KYNU: variants seen among roughly 807,000 people sequenced by gnomAD.
KYNU encodes the protein kynureninase.
Under a neutral mutation model 59.2 loss-of-function variants are expected in KYNU, and 54 were observed. The ratio of observed to expected loss-of-function variants is 0.91; its 90% CI spans 0.73 to 1.14. The LOEUF (loss-of-function observed/expected upper bound fraction) is 1.14. Among genes scored for constraint, KYNU ranks in the 50% most tolerant of loss-of-function variants. The probability of loss-of-function intolerance (pLI) is 0.00; values close to 1 mark genes in which losing one functional copy is unlikely to be tolerated. For synonymous variants in KYNU, 177 were observed against 192.0 expected, an observed-to-expected ratio of 0.92 and a Z score of 0.65; for missense variants, 567 against 554.4, an observed-to-expected ratio of 1.02 and a Z score of -0.23.
chr2:142,885,658 T>G, intron 2 of KYNU, 122 bp downstream of exon 2: 1 of 947,494 alleles, frequency 1.1e-6, no homozygotes, highest in East Asian at 2.6e-5. Flanking sequence ...CAATTATGTT[T>G]GAAAAGCAGA....
intron 3 of KYNU, among the ~76,000 whole-genome samples, chr2:142,923,426 T>C (rs73963780): frequency 0.02 from 2,986 of 152,332 alleles, 115 homozygotes; most frequent in African/African-American, 0.069. Flanking sequence ...ATTATATTTA[T>C]TTGATACTTA....
At chr2:142,964,042 T>A (rs570651396) in intron 8 of KYNU, among the ~76,000 whole-genome samples, 1 of 152,254 alleles carries the variant, frequency 6.6e-6, no homozygotes, top group East Asian at 1.9e-4. Flanking sequence ...TTATAAAGTT[T>A]TTTTTTGTGT....
At position 143,052,708 on chromosome 2, in the gene KYNU, G is replaced by T. The variant is rs1687286693; in HGVS notation, c.*10536G>T. 6.6e-6 allele frequency: 1 copy of T among 152,288 alleles called. No homozygotes were observed. The highest frequency in any genetic ancestry group is 2.4e-5 in the African/African-American group (1 of 41,466). 9.4% of individuals were successfully genotyped at this position (152,288 alleles called of 1,614,324 possible). A position where few individuals can be genotyped will look rare whatever the true frequency, so the allele number is the denominator to read the frequency against. On this transcript the variant is annotated 3_prime_UTR_variant, in exon 14 of 14. Coordinates refer to ENST00000264170, the MANE Select transcript of KYNU (RefSeq NM_003937.3). ...GGGAACTTACACCAAGATTTCAGAG[G>T]ATGTATGGAAATGCCTGGATGCCCA... is the stretch of plus-strand genomic sequence containing the variant.
intron 2 of KYNU, among the ~76,000 whole-genome samples, chr2:142,901,063 A>AG (rs991450662): frequency 2.6e-5 from 4 of 152,086 alleles, no homozygotes; most frequent in Non-Finnish European, 5.9e-5. Flanking sequence ...AAAAAAAAAA[A>AG]AAAAAAAGAT....
intron 2 of KYNU, among the ~76,000 whole-genome samples, chr2:142,903,598 T>C (rs1397404065): frequency 6.6e-6 from 1 of 152,072 alleles, no homozygotes; most frequent in Non-Finnish European, 1.5e-5. Context: ...GCCACGCCAG[T>C]GTCCAGGAGA....
intron 10 of KYNU, among the ~76,000 whole-genome samples, chr2:143,029,368 T>A (rs1376240180): frequency 6.6e-6 from 1 of 152,164 alleles, no homozygotes; most frequent in Non-Finnish European, 1.5e-5. Flanking sequence ...GATGAATCAC[T>A]TGAGCTCAGG....
rs548847769 is a variant in KYNU at position 143,035,988 on chromosome 2, G to A, written c.1041+2667G>A. Reference sequence around the variant, plus strand: ...AGGATTTTGCCATGTTGCCCAGGCTGATCTTGAACTACTGGCTGCAAGTGG... The same window carrying A: ...AGGATTTTGCCATGTTGCCCAGGCTAATCTTGAACTACTGGCTGCAAGTGG... On this transcript the variant is annotated intron_variant, in intron 12 of 13. Coordinates refer to ENST00000264170, the MANE Select transcript of KYNU (RefSeq NM_003937.3). Among the ~76,000 whole-genome samples, 3 of 152,046 alleles carry A rather than the reference G, an allele frequency of 2.0e-5. No individual in the cohort carries two copies. In the South Asian group the frequency reaches 6.2e-4, roughly 32 times the overall value.
At chr2:142,994,170 C>T (rs1247024771) in intron 10 of KYNU, among the ~76,000 whole-genome samples, 4 of 151,784 alleles carry the variant, frequency 2.6e-5, no homozygotes, top group Non-Finnish European at 5.9e-5. Flanking sequence ...ATCCATCTGG[C>T]TTTTTATGAT....
Position 143,046,177 on chromosome 2 carries a change from A to G in KYNU, c.*4005A>G, listed in dbSNP as rs1313441784. On this transcript the variant is annotated 3_prime_UTR_variant, in exon 14 of 14. Transcript: ENST00000264170. Reference sequence around the variant, plus strand: ...CAAATCCACAGATAACCATCGAATTATATTTTGTTTTCTTCATTCCCTTAC... The same window carrying G: ...CAAATCCACAGATAACCATCGAATTGTATTTTGTTTTCTTCATTCCCTTAC... The G allele has an allele frequency of 6.6e-6, 1 of 152,162 alleles. No homozygotes were observed. Among genetic ancestry groups the G allele is most frequent in the East Asian group, 1.9e-4 (1 of 5,204 alleles). 9.4% of individuals were successfully genotyped at this position (152,162 alleles called of 1,614,324 possible).
At chr2:142,919,623 G>C (rs549367804) in intron 3 of KYNU, among the ~76,000 whole-genome samples, 2 of 152,210 alleles carry the variant, frequency 1.3e-5, no homozygotes, top group Non-Finnish European at 2.9e-5. Context: ...TTCAAATTGG[G>C]AACAATATCC....
At chr2:142,881,084 G>T (rs1372356608) in intron 1 of KYNU, among the ~76,000 whole-genome samples, 1 of 152,218 alleles carries the variant, frequency 6.6e-6, no homozygotes, top group African/African-American at 2.4e-5. Context: ...GGAGCATTAG[G>T]TCTTTGAAGG....
intron 2 of KYNU, among the ~76,000 whole-genome samples, chr2:142,906,614 G>A (rs1682306854): frequency 6.6e-6 from 1 of 152,112 alleles, no homozygotes; most frequent in African/African-American, 2.4e-5. Context: ...TAATACTTGG[G>A]AGAGAAAGTG....
chr2:142,884,889 A>G (rs992962122), intron 1 of KYNU, among the ~76,000 whole-genome samples: 9 of 149,084 alleles, frequency 6.0e-5, no homozygotes, highest in East Asian at 2.0e-4. Context: ...CCTCAGGAAT[A>G]ATATACTTAA....
chr2:143,010,074 G>T (rs1284123567), intron 10 of KYNU, among the ~76,000 whole-genome samples: 1 of 144,600 alleles, frequency 6.9e-6, no homozygotes, highest in Non-Finnish European at 1.5e-5. Context: ...AGTTAGGCAA[G>T]AGAAGGAAAT....
intron 12 of KYNU, among the ~76,000 whole-genome samples, chr2:143,039,096 T>C (rs1002634052): frequency 6.6e-6 from 1 of 152,160 alleles, no homozygotes; most frequent in African/African-American, 2.4e-5. Flanking sequence ...ATATAAGACA[T>C]CTCAGCCCAC....
chr2:142,914,494 T>C (rs1682608445), intron 2 of KYNU, among the ~76,000 whole-genome samples: 1 of 152,216 alleles, frequency 6.6e-6, no homozygotes, highest in Non-Finnish European at 1.5e-5. Flanking sequence ...TCTGGGGAGC[T>C]CTGCATTTTT....
intron 3 of KYNU, among the ~76,000 whole-genome samples, chr2:142,924,299 G>A (rs950733180): frequency 3.9e-5 from 6 of 152,188 alleles, no homozygotes; most frequent in Admixed American, 2.0e-4. Flanking sequence ...TAGAGACGAC[G>A]TCTCCCTATG....
Position 143,054,262 on chromosome 2 carries a change from A to C in KYNU, c.*12090A>C, listed in dbSNP as rs1227625091. 2 of 151,728 alleles carry C rather than the reference A, an allele frequency of 1.3e-5. No individual in the cohort carries two copies. The highest frequency in any genetic ancestry group is 3.2e-3 in the Middle Eastern group (1 of 316). 9.4% of individuals were successfully genotyped at this position (151,728 alleles called of 1,614,324 possible). A position where few individuals can be genotyped will look rare whatever the true frequency, so the allele number is the denominator to read the frequency against. The stretch of plus-strand genomic sequence containing the variant: ...TAAGTATTTCCCCAAGTTTCACTTT[A>C]TCTTTCTATTACTTTTTTTACATAA... On this transcript the variant is annotated 3_prime_UTR_variant, in exon 14 of 14. Coordinates refer to ENST00000264170, the MANE Select transcript of KYNU (RefSeq NM_003937.3).
At chr2:142,881,916 C>T (rs60702455) in intron 1 of KYNU, among the ~76,000 whole-genome samples, 20,026 of 113,588 alleles carry the variant, frequency 0.18, 3,199 homozygotes, top group African/African-American at 0.4. Flanking sequence ...TTTCTTTTTT[C>T]TTTTTTTTTT....
Sources: allele counts gnomAD v4.1 joint callset (sites outside exome capture counted in the v4.1 genomes callset), GRCh38; gene constraint gnomAD v4.1.1; transcripts MANE v1.5; gene names NCBI Gene and HGNC (gene_info 2026-07-23, HGNC 2026-07-21).